Variants in PTPRF observed in about 807,000 individuals in gnomAD.
PTPRF encodes protein tyrosine phosphatase receptor type F, also known as receptor-type tyrosine-protein phosphatase F.
PTPRF carries 59 observed loss-of-function variants against 201.8 expected under a neutral mutation model. The observed-to-expected ratio is 0.29, with a 90% CI of 0.24 to 0.36. The LOEUF (loss-of-function observed/expected upper bound fraction) is 0.36. PTPRF is among the 10% of genes least tolerant of loss of function. The pLI, the probability that PTPRF is intolerant of heterozygous loss-of-function variation, is 1.00. For synonymous variants in PTPRF, 1,088 were observed against 1,089.7 expected (o/e 1.00, Z 0.03); for missense variants, 2,132 against 2,690.5 (o/e 0.79, Z 4.59).
rs1256572563 is a variant in PTPRF at position 43,546,520 on chromosome 1, C to T, written c.91+1354C>T. Among the ~76,000 whole-genome samples, 2 of 152,210 alleles carry T rather than the reference C, an allele frequency of 1.3e-5. No homozygotes were observed. The highest frequency in any genetic ancestry group is 2.1e-4 in the South Asian group (1 of 4,824). ...GTTGGCAGGAAGGTGAAGGCTTGTC[C>T]ACGTGTGGTCAGTAGCTCTTGGACA... On this transcript the variant is annotated intron_variant, in intron 3 of 33. Coordinates refer to ENST00000359947, the MANE Select transcript of PTPRF (RefSeq NM_002840.5). This position sits in a 1 kb window ranked among gnomAD's most constrained non-coding sequence, Gnocchi z 4.2.
rs745350125 is a variant in PTPRF at position 43,597,789 on chromosome 1, G to A, written c.1855G>A (p.Gly619Ser). ...CCAGAAGGTGATGTGTGTGAGCATGGGCTCCACCACGGTCCGGGTAAGTTG... is the reference window on the plus strand; with the variant it reads ...CCAGAAGGTGATGTGTGTGAGCATGAGCTCCACCACGGTCCGGGTAAGTTG... ...PPQKVMCVSM[G>S]STTVRVSWVP... Residue 619 changes from glycine to serine, a missense_variant, in exon 12 of 34, where the codon GGC becomes AGC. By Grantham distance (56) the Gly-to-Ser change is moderately conservative. Coordinates refer to ENST00000359947, the MANE Select transcript of PTPRF (RefSeq NM_002840.5). The A allele has an allele frequency of 1.9e-6, 3 of 1,606,768 alleles. No individual in the cohort carries two copies. In the East Asian group the frequency reaches 6.7e-5, roughly 36 times the overall value.
At chr1:43,584,289 A>G (rs2154003448) in intron 7 of PTPRF, among the ~76,000 whole-genome samples, 1 of 152,284 alleles carries the variant, frequency 6.6e-6, no homozygotes, top group Non-Finnish European at 1.5e-5. Flanking sequence ...TCCCTCTGCC[A>G]CATCCTCCGT....
chr1:43,543,486 C>G (rs1053221129), intron 2 of PTPRF, among the ~76,000 whole-genome samples: 3 of 152,218 alleles, frequency 2.0e-5, no homozygotes, highest in Admixed American at 6.5e-5. Context: ...TTGTTCAGCT[C>G]CTGTCTCAGA....
chr1:43,573,182 G>A (rs1646689426), intron 6 of PTPRF, among the ~76,000 whole-genome samples: 1 of 152,164 alleles, frequency 6.6e-6, no homozygotes, highest in Admixed American at 6.5e-5. Flanking sequence ...ACCGGGGTAG[G>A]CCCAGGAGGA....
Position 43,553,842 on chromosome 1 carries a change from C to T in PTPRF, c.280C>T (p.Gln94Ter). The T allele has an allele frequency of 6.2e-7, 1 of 1,614,178 alleles. No individual in the cohort carries two copies. The highest frequency in any genetic ancestry group is 8.5e-7 in the Non-Finnish European group (1 of 1,180,036). The change falls in exon 5 of 34, where the codon CAG (glutamine) becomes TAG (stop). Residue 94 changes from glutamine to a stop codon, truncating the protein, a stop_gained. Coordinates refer to ENST00000359947, the MANE Select transcript of PTPRF (RefSeq NM_002840.5). LOFTEE classifies it high-confidence loss of function. This position sits in a 1 kb window ranked among gnomAD's most constrained non-coding sequence, Gnocchi z 4.1. ...DDGAGSVLRI[Q>*]PLRVQRDEAI... ...TGGGGCAGGGTCAGTGCTTCGGATC[C>T]AGCCATTGCGGGTGCAGCGAGATGA...
chr1:43,569,705 G>A lies in PTPRF; in HGVS notation c.495G>A (p.Glu165=). 1 of 1,614,068 alleles carries A rather than the reference G, an allele frequency of 6.2e-7. No homozygotes were observed. The highest frequency in any genetic ancestry group is 8.5e-7 in the Non-Finnish European group (1 of 1,179,944). The change falls in exon 6 of 34, where the codon GAG becomes GAA. Residue 165 remains glutamate (E), a synonymous_variant. Transcript: ENST00000359947. ...LCAAGGNPDP[E]ISWFKDFLPV... Reference sequence around the variant, plus strand: ...CCGCAGGCGGAAATCCAGACCCTGAGATTTCTTGGTTCAAGGACTTCCTTC... The same window carrying A: ...CCGCAGGCGGAAATCCAGACCCTGAAATTTCTTGGTTCAAGGACTTCCTTC...
intron 6 of PTPRF, among the ~76,000 whole-genome samples, chr1:43,578,179 C>T (rs960961055): frequency 3.9e-5 from 6 of 152,150 alleles, no homozygotes; most frequent in African/African-American, 9.7e-5. Flanking sequence ...ATGCAGGAGC[C>T]GTGGTGGGTC....
At chr1:43,524,332 G>C (rs1302197767), upstream of PTPRF, among the ~76,000 whole-genome samples, 1 of 152,018 alleles carries the variant, frequency 6.6e-6, no homozygotes, top group Non-Finnish European at 1.5e-5. Context: ...AAAATCACTT[G>C]TACTCCAAAA....
chr1:43,610,947 C>A (rs1389264053), intron 22 of PTPRF, among the ~76,000 whole-genome samples: 3 of 152,234 alleles, frequency 2.0e-5, no homozygotes, highest in African/African-American at 7.2e-5. Context: ...TGCTTTTGCA[C>A]TGTAAAGGCA....
chr1:43,534,714 GAA>G (rs1643896596), intron 1 of PTPRF, among the ~76,000 whole-genome samples: 1 of 152,124 alleles, frequency 6.6e-6, no homozygotes, highest in Admixed American at 6.5e-5. Context: ...GTATGGGAGA[GAA>G]ATGTCGGTCG....
chr1:43,561,134 G>C (rs1645779486), intron 5 of PTPRF, among the ~76,000 whole-genome samples: 2 of 152,072 alleles, frequency 1.3e-5, no homozygotes, highest in Non-Finnish European at 2.9e-5. Flanking sequence ...TATACCCCCT[G>C]ACCACTCCAC....
At chr1:43,585,851 G>A (rs1004395528) in intron 7 of PTPRF, among the ~76,000 whole-genome samples, 1 of 152,170 alleles carries the variant, frequency 6.6e-6, no homozygotes, top group Non-Finnish European at 1.5e-5. Context: ...GGTATCCAAC[G>A]ACGTGATTAG....
At chr1:43,599,954 G>A (rs981511898) in intron 13 of PTPRF, among the ~76,000 whole-genome samples, 68 of 152,296 alleles carry the variant, frequency 4.5e-4, no homozygotes, top group African/African-American at 1.6e-3. Flanking sequence ...CTCTGCCTGG[G>A]TGGAGAGCAG....
intron 33 of PTPRF, 99 bp from the exon 34 acceptor site, chr1:43,621,836 C>A: frequency 1.6e-6 from 2 of 1,249,068 alleles, no homozygotes; most frequent in Non-Finnish European, 2.3e-6. Flanking sequence ...CTGCTCTTGG[C>A]CAGCAGAGGC....
chr1:43,550,343 C>T (rs59750232), intron 3 of PTPRF, among the ~76,000 whole-genome samples: 4,476 of 152,302 alleles, frequency 0.029, 229 homozygotes, highest in African/African-American at 0.1. Flanking sequence ...TTGTTTGGAG[C>T]GGAGGCCCCG....
In PTPRF at chr1:43,570,687, C is replaced by T. The variant is rs568117557; in HGVS notation, c.568+909C>T. 1.8e-3 allele frequency among the ~76,000 whole-genome samples: 277 copies of T among 152,364 alleles called. 1 individual carries two copies. Among genetic ancestry groups the T allele is most frequent in the Non-Finnish European group, 2.9e-3 (195 of 68,024 alleles). ...CCAGCCCCTCCCCATCAATTCCCAC[C>T]AGCCTCACAGCCCCTTGGTGCCCAG... On this transcript the variant is annotated intron_variant, in intron 6 of 33. Coordinates refer to ENST00000359947, the MANE Select transcript of PTPRF (RefSeq NM_002840.5).
rs1257997265 is a variant in PTPRF at position 43,537,539 on chromosome 1, A to G, written c.-125-659A>G. The stretch of plus-strand genomic sequence containing the variant: ...GAAATGAGCTGGGCAGCCACAGTCC[A>G]TGCTCCTATCAAGCTTATGGTAGTG... On this transcript the variant is annotated intron_variant, in intron 1 of 33. Coordinates refer to ENST00000359947, the MANE Select transcript of PTPRF (RefSeq NM_002840.5). The surrounding 1 kb of genome is among the most constrained non-coding windows in gnomAD (Gnocchi z 4.8). Among the ~76,000 whole-genome samples, 1 of 152,226 alleles carries G rather than the reference A, an allele frequency of 6.6e-6. No homozygotes were observed. The highest frequency in any genetic ancestry group is 2.4e-5 in the African/African-American group (1 of 41,454).
intron 3 of PTPRF, among the ~76,000 whole-genome samples, chr1:43,547,203 G>A (rs1306894437): frequency 6.9e-6 from 1 of 145,752 alleles, no homozygotes; most frequent in Admixed American, 6.8e-5. Flanking sequence ...CACCCACCAC[G>A]CTGACTTCTT....
chr1:43,562,823 G>C (rs1207795410), intron 5 of PTPRF, among the ~76,000 whole-genome samples: 3 of 152,168 alleles, frequency 2.0e-5, no homozygotes, highest in African/African-American at 7.2e-5. Context: ...GTCCAGGTGA[G>C]TGATGGCATT....
Sources: allele counts gnomAD v4.1 joint callset (sites outside exome capture counted in the v4.1 genomes callset), GRCh38; gene constraint gnomAD v4.1.1; non-coding constraint Gnocchi (gnomAD v3.1); transcripts MANE v1.5; gene names NCBI Gene and HGNC (gene_info 2026-07-23, HGNC 2026-07-21).